Variants in GRK3 observed in about 807,000 individuals in gnomAD.
GRK3 encodes adrenergic, beta, receptor kinase 2.
In GRK3, 54 loss-of-function variants were observed where a neutral mutation model predicts 95.7. The observed-to-expected ratio is 0.56, with a 90% CI of 0.45 to 0.71. The LOEUF (loss-of-function observed/expected upper bound fraction) is 0.71, where lower values mean the gene tolerates loss of function less well. GRK3 is among the 30% of genes least tolerant of loss of function. GRK3 has a pLI of 0.00. For missense variants in GRK3, 649 were observed against 851.2 expected (o/e 0.76, Z 2.96); for synonymous variants, 281 against 290.8 (o/e 0.97, Z 0.34).
chr22:25,610,378 G>C (rs966461940), intron 2 of GRK3, among the ~76,000 whole-genome samples: 1 of 152,102 alleles, frequency 6.6e-6, no homozygotes, highest in African/African-American at 2.4e-5. Flanking sequence ...GAGGTGGGAG[G>C]GTTTCTTAAG....
intron 5 of GRK3, among the ~76,000 whole-genome samples, chr22:25,665,876 A>C (rs1320054714): frequency 6.6e-6 from 1 of 152,198 alleles, no homozygotes; most frequent in African/African-American, 2.4e-5. Flanking sequence ...TTTAGAGGTA[A>C]GTAAGTGCAT....
Position 25,565,137 on chromosome 22 carries a change from G to C in GRK3, c.97G>C (p.Val33Leu), listed in dbSNP as rs1343648763. ...TPAARASKRIVLPEPSIRSVM... is the reference protein window; with the variant it reads ...TPAARASKRILLPEPSIRSVM... ...GGCCGCCCGCGCCAGCAAGAGGATC[G>C]TCCTGCCGGAGCCCAGGTACCAGCT... Residue 33 changes from valine (V) to leucine (L), a missense_variant, in exon 1 of 21, where the codon GTC (valine) becomes CTC (leucine). Physicochemically the swap from Val to Leu is conservative, Grantham distance 32 (BLOSUM62 1). Around this residue, in one of 3 missense-constraint regions of GRK3, gnomAD observed 206 missense variants for 231.4 expected, o/e 0.89. Coordinates refer to ENST00000324198, the MANE Select transcript of GRK3 (RefSeq NM_005160.4). 6.5e-7 allele frequency: 1 copy of C among 1,535,822 alleles called. No individual in the cohort carries two copies. The highest frequency in any genetic ancestry group is 2.0e-5 in the Admixed American group (1 of 49,890).
intron 13 of GRK3, chr22:25,702,801 A>G (rs1359007180): frequency 2.2e-6 from 1 of 455,906 alleles, no homozygotes; most frequent in Admixed American, 2.4e-5. Context: ...TTTTCCCTTC[A>G]CTGCTTCTGT....
At position 25,673,884 on chromosome 22, in the gene GRK3, A is replaced by G. The variant is rs190402000; in HGVS notation, c.556-553A>G. 2.3e-3 allele frequency among the ~76,000 whole-genome samples: 351 copies of G among 152,044 alleles called. 5 individuals are homozygous for G. In the Middle Eastern group the frequency reaches 0.027, roughly 12 times the overall value. On this transcript the variant is annotated intron_variant, in intron 7 of 20. Transcript: ENST00000324198. Reference sequence around the variant, plus strand: ...ACATTTAGCCTTGTTTCACGCTCACATGGCCAGCATGAGTCCTCTCTATTC... The same window carrying G: ...ACATTTAGCCTTGTTTCACGCTCACGTGGCCAGCATGAGTCCTCTCTATTC...
At chr22:25,566,318 T>G (rs1451768067) in intron 1 of GRK3, among the ~76,000 whole-genome samples, 2 of 152,248 alleles carry the variant, frequency 1.3e-5, no homozygotes, top group African/African-American at 2.4e-5. Context: ...AAATCATCAG[T>G]CCTTCAAGCG....
chr22:25,686,254 A>G (rs1248865199), intron 10 of GRK3, among the ~76,000 whole-genome samples: 1 of 151,862 alleles, frequency 6.6e-6, no homozygotes, highest in African/African-American at 2.4e-5. Flanking sequence ...ATCTACCCCG[A>G]AACAGGAAGG....
At chr22:25,679,691 T>C (rs917933196) in intron 9 of GRK3, among the ~76,000 whole-genome samples, 1 of 152,150 alleles carries the variant, frequency 6.6e-6, no homozygotes, top group African/African-American at 2.4e-5. Flanking sequence ...TGCACTGGTA[T>C]GGCTGTGACC....
At chr22:25,704,327 G>T in intron 15 of GRK3, 118 bp downstream of exon 15, 1 of 680,538 alleles carries the variant, frequency 1.5e-6, no homozygotes, top group Non-Finnish European at 2.5e-6. Flanking sequence ...ACTTGAAAGG[G>T]GAAAAAAATA....
intron 18 of GRK3, among the ~76,000 whole-genome samples, chr22:25,716,072 C>T (rs902799733): frequency 2.6e-5 from 4 of 152,068 alleles, no homozygotes; most frequent in African/African-American, 7.2e-5. Flanking sequence ...CTGCAACCTC[C>T]GCCTCCCAGG....
rs981358058 is a variant in GRK3 at position 25,599,737 on chromosome 22, G to C, written c.114-4640G>C. ...TTTGAATAGCCAGTTCACTACAGAA[G>C]ATACATGAATAGCTAATAAGCACAT... On this transcript the variant is annotated intron_variant, in intron 1 of 20. Coordinates refer to ENST00000324198, the MANE Select transcript of GRK3 (RefSeq NM_005160.4). Among the ~76,000 whole-genome samples the C allele has an allele frequency of 7.2e-5, 11 of 152,038 alleles. No individual in the cohort carries two copies. In the South Asian group the frequency reaches 2.3e-3, roughly 32 times the overall value.
chr22:25,679,159 A>G (rs895453337), intron 9 of GRK3, among the ~76,000 whole-genome samples: 4 of 152,192 alleles, frequency 2.6e-5, no homozygotes, highest in Non-Finnish European at 5.9e-5. Flanking sequence ...TTTGCAGAAT[A>G]TGGTAGTAGA....
intron 2 of GRK3, among the ~76,000 whole-genome samples, chr22:25,614,838 T>C (rs904342532): frequency 6.6e-6 from 1 of 152,202 alleles, no homozygotes; most frequent in Non-Finnish European, 1.5e-5. Flanking sequence ...GAAGGGGACA[T>C]TCAATCAAAT....
chr22:25,664,303 C>T (rs907478508), intron 5 of GRK3, among the ~76,000 whole-genome samples: 7 of 152,122 alleles, frequency 4.6e-5, no homozygotes, highest in Non-Finnish European at 1.0e-4. Flanking sequence ...CTCCCAAAAG[C>T]CTTTTCCATC....
chr22:25,658,682 G>A (rs897261467), intron 3 of GRK3, among the ~76,000 whole-genome samples: 4 of 152,206 alleles, frequency 2.6e-5, no homozygotes, highest in Non-Finnish European at 5.9e-5. Context: ...GTTCTGACCA[G>A]AAGCAGAGCC....
chr22:25,703,434 A>T, intron 13 of GRK3, 76 bp from the exon 14 acceptor site: 1 of 1,120,422 alleles, frequency 8.9e-7, no homozygotes, highest in Non-Finnish European at 1.3e-6. Context: ...ATCATACTTT[A>T]CCCAAATATT....
In GRK3 at chr22:25,722,364, G is replaced by A; in HGVS notation, c.1981G>A (p.Ala661Thr). 6.2e-7 allele frequency: 1 copy of A among 1,614,164 alleles called. No homozygotes were observed. The highest frequency in any genetic ancestry group is 8.5e-7 in the Non-Finnish European group (1 of 1,180,022). The change falls in exon 21 of 21, where the codon GCC (alanine) becomes ACC (threonine). Residue 661 changes from alanine to threonine, a missense_variant. Physicochemically the swap from Ala to Thr is moderately conservative, Grantham distance 58. Transcript: ENST00000324198. ...GGAGGCCCAGCGGCTATTGCGTCGT[G>A]CCCCGAAGTTCCTCAACAAACCTCG... is the stretch of plus-strand genomic sequence containing the variant. The part of the protein sequence containing the change: ...FKEAQRLLRR[A>T]PKFLNKPRSG...
intron 12 of GRK3, among the ~76,000 whole-genome samples, chr22:25,690,682 G>A (rs115245769): frequency 0.017 from 2,664 of 152,254 alleles, 79 homozygotes; most frequent in African/African-American, 0.059. Flanking sequence ...GGGCAGCTGC[G>A]TGGATGTGGT....
chr22:25,580,337 A>T (rs970891056), intron 1 of GRK3: 2 of 150,394 alleles, frequency 1.3e-5, no homozygotes, highest in Non-Finnish European at 3.0e-5. Flanking sequence ...TCCAGATTGA[A>T]ACCCACCAGC....
intron 2 of GRK3, among the ~76,000 whole-genome samples, chr22:25,612,018 A>G (rs1439445539): frequency 1.3e-5 from 2 of 152,032 alleles, no homozygotes; most frequent in East Asian, 3.9e-4. Flanking sequence ...ATTTCAGTAG[A>G]GACGGGTTTT....
Sources: allele counts gnomAD v4.1 joint callset (sites outside exome capture counted in the v4.1 genomes callset), GRCh38; gene constraint gnomAD v4.1.1; regional missense constraint gnomAD v4.1.1; transcripts MANE v1.5; gene names NCBI Gene and HGNC (gene_info 2026-07-23, HGNC 2026-07-21).